The following MLLT3 variants were observed in gnomAD, a reference collection of about 807,000 sequenced individuals.
MLLT3 encodes protein AF-9.
Under a neutral mutation model 53.2 loss-of-function variants are expected in MLLT3, and 4 were observed. The observed-to-expected ratio is 0.08, with a 90% CI of 0.04 to 0.17. The LOEUF is 0.17. MLLT3 is among the 10% of genes least tolerant of loss of function. MLLT3 has a pLI of 1.00. For synonymous variants in MLLT3, 283 were observed against 230.6 expected (o/e 1.23, Z -2.06); for missense variants, 569 against 684.0 (o/e 0.83, Z 1.87).
intron 2 of MLLT3, among the ~76,000 whole-genome samples, chr9:20,562,449 A>G (rs2131153640): frequency 6.6e-6 from 1 of 152,306 alleles, no homozygotes; most frequent in East Asian, 1.9e-4. Flanking sequence ...AATTTGATCT[A>G]TGACACTAAC....
chr9:20,620,943 G>C lies in MLLT3; in HGVS notation c.13-109C>G. The C allele has an allele frequency of 1.9e-4, 227 of 1,167,828 alleles. No individual in the cohort carries two copies. The highest frequency in any genetic ancestry group is 2.4e-4 in the East Asian group (9 of 38,070). The allele number at this position is 1,167,828 out of a possible 1,614,324, so 72.3% of individuals were successfully genotyped here. A position where few individuals can be genotyped will look rare whatever the true frequency, so the allele number is the denominator to read the frequency against. ...CTCCTTCTTGAAACGCACATAAAAG[G>C]AAACGGCGGTGCCCTCTGCATCCAC... On this transcript the variant is annotated intron_variant, in intron 1 of 10. Transcript: ENST00000380338. The surrounding 1 kb of genome is among the most constrained non-coding windows in gnomAD (Gnocchi z 6.1).
intron 2 of MLLT3, among the ~76,000 whole-genome samples, chr9:20,548,865 G>A (rs997379442): frequency 6.6e-6 from 1 of 151,338 alleles, no homozygotes; most frequent in African/African-American, 2.4e-5. Context: ...GTGTCAGCCA[G>A]GCTAGAGTGC....
chr9:20,457,639 CA>C (rs1345169577), intron 2 of MLLT3, among the ~76,000 whole-genome samples: 1 of 152,096 alleles, frequency 6.6e-6, no homozygotes, highest in Non-Finnish European at 1.5e-5. Flanking sequence ...CTCCTTCACC[CA>C]CCCAAAAGGA....
chr9:20,478,184 C>A (rs1034885097), intron 2 of MLLT3, among the ~76,000 whole-genome samples: 1 of 151,652 alleles, frequency 6.6e-6, no homozygotes, highest in African/African-American at 2.4e-5. Context: ...AGTGGCTGCA[C>A]TGAGAAGCTG....
chr9:20,584,924 G>C (rs1819912412), intron 2 of MLLT3, among the ~76,000 whole-genome samples: 2 of 152,218 alleles, frequency 1.3e-5, no homozygotes, highest in South Asian at 4.1e-4. Context: ...AGGACATCTT[G>C]ATTGCTTCAA....
intron 2 of MLLT3, among the ~76,000 whole-genome samples, chr9:20,499,342 G>A (rs935107255): frequency 6.6e-6 from 1 of 152,144 alleles, no homozygotes; most frequent in Non-Finnish European, 1.5e-5. Flanking sequence ...GCCCATAACA[G>A]GCATTTAGTG....
At chr9:20,483,299 G>C (rs942179894) in intron 2 of MLLT3, among the ~76,000 whole-genome samples, 1 of 151,590 alleles carries the variant, frequency 6.6e-6, no homozygotes, top group African/African-American at 2.4e-5. Flanking sequence ...CAGTGGTGCA[G>C]TCATGGCTCA....
chr9:20,389,972 G>T (rs2118718185), intron 5 of MLLT3, among the ~76,000 whole-genome samples: 1 of 152,276 alleles, frequency 6.6e-6, no homozygotes, highest in East Asian at 1.9e-4. Context: ...AGGTTAAAAT[G>T]TAATTAAGTT....
At chr9:20,498,323 T>G (rs879422208) in intron 2 of MLLT3, among the ~76,000 whole-genome samples, 4 of 151,092 alleles carry the variant, frequency 2.6e-5, no homozygotes, top group African/African-American at 9.7e-5. Flanking sequence ...TTTTAAATTT[T>G]AGCCATTCTA....
At chr9:20,388,196 T>C (rs1822089245) in intron 5 of MLLT3, among the ~76,000 whole-genome samples, 1 of 152,218 alleles carries the variant, frequency 6.6e-6, no homozygotes, top group Non-Finnish European at 1.5e-5. Flanking sequence ...ACACTTATTC[T>C]AATAAACAAC....
intron 2 of MLLT3, among the ~76,000 whole-genome samples, chr9:20,483,597 A>G (rs1824722755): frequency 6.6e-6 from 1 of 151,782 alleles, no homozygotes; most frequent in Admixed American, 6.6e-5. Flanking sequence ...GAGAACCACC[A>G]GCAAACTGTT....
At chr9:20,552,989 G>T (rs1818963176) in intron 2 of MLLT3, among the ~76,000 whole-genome samples, 1 of 151,846 alleles carries the variant, frequency 6.6e-6, no homozygotes, top group South Asian at 2.1e-4. Flanking sequence ...TACAAAATTT[G>T]TATTTTTCTA....
chr9:20,510,776 T>C (rs1017736750), intron 2 of MLLT3, among the ~76,000 whole-genome samples: 1 of 151,462 alleles, frequency 6.6e-6, no homozygotes, highest in Non-Finnish European at 1.5e-5. Flanking sequence ...AATGTTATTA[T>C]TTAAATTTTT....
intron 10 of MLLT3, among the ~76,000 whole-genome samples, chr9:20,349,485 T>C (rs950711176): frequency 1.3e-5 from 2 of 151,002 alleles, no homozygotes; most frequent in Non-Finnish European, 2.9e-5. Flanking sequence ...CTAAAATAAA[T>C]GAGGCAAGAA....
intron 2 of MLLT3, among the ~76,000 whole-genome samples, chr9:20,491,991 T>C (rs1824959560): frequency 6.6e-6 from 1 of 152,062 alleles, no homozygotes; most frequent in South Asian, 2.1e-4. Context: ...CCTATTTGTG[T>C]TTTGTGTACA....
At chr9:20,408,368 C>A (rs1822638680) in intron 5 of MLLT3, among the ~76,000 whole-genome samples, 1 of 151,750 alleles carries the variant, frequency 6.6e-6, no homozygotes, top group African/African-American at 2.4e-5. Context: ...GCCTCCTCCT[C>A]AGTGTGATCA....
chr9:20,456,215 A>G (rs1253206031), intron 3 of MLLT3, among the ~76,000 whole-genome samples: 2 of 152,152 alleles, frequency 1.3e-5, no homozygotes, highest in East Asian at 3.9e-4. Context: ...CTGGGATTAC[A>G]GGTGTGAGCC....
intron 2 of MLLT3, among the ~76,000 whole-genome samples, chr9:20,473,529 A>T (rs1466119505): frequency 6.6e-6 from 1 of 152,122 alleles, no homozygotes; most frequent in African/African-American, 2.4e-5. Context: ...CACTGCCAGG[A>T]AGACATAGAC....
At chr9:20,422,256 C>G (rs1823028360) in intron 4 of MLLT3, among the ~76,000 whole-genome samples, 1 of 152,140 alleles carries the variant, frequency 6.6e-6, no homozygotes, top group Non-Finnish European at 1.5e-5. Context: ...AAATACAATG[C>G]TTTGGAAGGT....
Sources: allele counts gnomAD v4.1 joint callset (sites outside exome capture counted in the v4.1 genomes callset), GRCh38; gene constraint gnomAD v4.1.1; non-coding constraint Gnocchi (gnomAD v3.1); transcripts MANE v1.5; gene names NCBI Gene and HGNC (gene_info 2026-07-23, HGNC 2026-07-21).